The following PLCL1 variants were observed in gnomAD, a reference collection of about 807,000 sequenced individuals.
The protein encoded by PLCL1 is inactive phospholipase C-like protein 1.
Under a neutral mutation model 84.4 loss-of-function variants are expected in PLCL1, and 41 were observed. The observed-to-expected ratio is 0.49, with a 90% CI of 0.38 to 0.63. The LOEUF is 0.63. Ranked by LOEUF, PLCL1 falls within the 30% of genes least tolerant of loss-of-function variation. The probability of loss-of-function intolerance (pLI) is 0.00; values close to 1 mark genes in which losing one functional copy is unlikely to be tolerated. For missense variants in PLCL1, 1,206 were observed against 1,367.8 expected, an observed-to-expected ratio of 0.88 and a Z score of 1.87; for synonymous variants, 490 against 488.3, an observed-to-expected ratio of 1.00 and a Z score of -0.05.
intron 1 of PLCL1, among the ~76,000 whole-genome samples, chr2:197,924,600 A>T (rs1397394133): frequency 6.6e-6 from 1 of 151,966 alleles, no homozygotes; most frequent in Non-Finnish European, 1.5e-5. Flanking sequence ...AGACCAGGGA[A>T]CTGAAGTACA....
At chr2:197,884,532 A>AT (rs1352704416) in intron 1 of PLCL1, among the ~76,000 whole-genome samples, 1 of 152,182 alleles carries the variant, frequency 6.6e-6, no homozygotes, top group Non-Finnish European at 1.5e-5. Context: ...GTGGAAAGTG[A>AT]TTTTGGCTGT....
intron 1 of PLCL1, among the ~76,000 whole-genome samples, chr2:197,849,159 G>A (rs1405937539): frequency 6.6e-6 from 1 of 152,168 alleles, no homozygotes; most frequent in Non-Finnish European, 1.5e-5. Context: ...GTGGATGGTA[G>A]CAGGCAAGAG....
In PLCL1 at chr2:198,086,044, G is replaced by A; in HGVS notation, c.2527G>A (p.Val843Ile). ...GDIMEHVTLF[V>I]HIAITNRSGG... ...CATCATGGAGCACGTAACCCTTTTT[G>A]TCCACATAGCAATAACTAATCGAAG... The change falls in exon 2 of 6, where the codon GTC becomes ATC. Residue 843 changes from valine (V) to isoleucine (I), a missense_variant. By Grantham distance (29) the Val-to-Ile change is conservative. Transcript: ENST00000428675. The A allele has an allele frequency of 6.2e-7, 1 of 1,614,056 alleles. No homozygotes were observed. The highest frequency in any genetic ancestry group is 8.5e-7 in the Non-Finnish European group (1 of 1,179,978).
chr2:198,147,174 C>T lies in PLCL1; in HGVS notation c.*212C>T. ...GTGTTTTAAATTCTGAGACATGTGT[C>T]AACACCCCTGTGTGGATGCCTGTGG... On this transcript the variant is annotated 3_prime_UTR_variant, in exon 6 of 6. Transcript: ENST00000428675. 2.3e-6 allele frequency: 1 copy of T among 426,204 alleles called. No individual in the cohort carries two copies. The highest frequency in any genetic ancestry group is 3.7e-5 in the South Asian group (1 of 27,332). The allele number at this position is 426,204 out of a possible 1,614,324, so 26.4% of individuals were successfully genotyped here.
intron 1 of PLCL1, among the ~76,000 whole-genome samples, chr2:197,974,556 G>T (rs1374987338): frequency 6.6e-6 from 1 of 152,172 alleles, no homozygotes; most frequent in Non-Finnish European, 1.5e-5. Context: ...CTGATGATAG[G>T]CTCATTCACT....
At chr2:197,924,131 ACC>A (rs1688785951) in intron 1 of PLCL1, among the ~76,000 whole-genome samples, 59 of 96,730 alleles carry the variant, frequency 6.1e-4, no homozygotes, top group African/African-American at 1.8e-3. Flanking sequence ...TGAGAGGGAG[ACC>A]GTGGGGAGAG....
chr2:198,076,214 C>A (rs1692574529), intron 1 of PLCL1, among the ~76,000 whole-genome samples: 1 of 151,446 alleles, frequency 6.6e-6, no homozygotes, highest in Non-Finnish European at 1.5e-5. Context: ...GCCTGTAGAA[C>A]ATCAATTATT....
intron 3 of PLCL1, among the ~76,000 whole-genome samples, chr2:198,090,921 A>AT (rs1246748566): frequency 6.6e-6 from 1 of 152,112 alleles, no homozygotes; most frequent in East Asian, 1.9e-4. Flanking sequence ...ACAGTGTCTT[A>AT]TTTTTTGTTT....
Position 197,947,559 on chromosome 2 carries a change from G to C in PLCL1, c.241-136199G>C, listed in dbSNP as rs1391600907. Among the ~76,000 whole-genome samples, 9 of 152,288 alleles carry C rather than the reference G, an allele frequency of 5.9e-5. No individual in the cohort carries two copies. The East Asian group carries it at 1.7e-3, about 29-fold the overall frequency. ...GCAACCATTCATGTGAAGATGAGCA[G>C]TGGTGGGGAATGTAGGCTGGGAATG... On this transcript the variant is annotated intron_variant, in intron 1 of 5. Coordinates refer to ENST00000428675, the MANE Select transcript of PLCL1 (RefSeq NM_006226.4).
At chr2:197,833,365 A>G (rs770984743) in intron 1 of PLCL1, among the ~76,000 whole-genome samples, 1 of 152,214 alleles carries the variant, frequency 6.6e-6, no homozygotes, top group Admixed American at 6.5e-5. Flanking sequence ...AGATATTCAA[A>G]TAGAAAGACA....
At chr2:197,924,012 C>T (rs989623228) in intron 1 of PLCL1, among the ~76,000 whole-genome samples, 40 of 150,990 alleles carry the variant, frequency 2.6e-4, no homozygotes, top group Admixed American at 2.4e-3. Flanking sequence ...TCAGGCGTGG[C>T]GGCGCGTGCC....
chr2:198,122,464 T>C (rs983302837), intron 5 of PLCL1, among the ~76,000 whole-genome samples: 4 of 152,086 alleles, frequency 2.6e-5, no homozygotes, highest in African/African-American at 9.7e-5. Flanking sequence ...TACCAAGAAC[T>C]CATCATATAT....
chr2:198,113,011 T>C (rs1693657721), intron 5 of PLCL1, among the ~76,000 whole-genome samples: 2 of 151,922 alleles, frequency 1.3e-5, no homozygotes, highest in Non-Finnish European at 2.9e-5. Context: ...AAAGAAAATA[T>C]TATTAAGCCT....
intron 5 of PLCL1, among the ~76,000 whole-genome samples, chr2:198,143,535 G>T (rs1407334043): frequency 6.6e-6 from 1 of 152,176 alleles, no homozygotes; most frequent in Non-Finnish European, 1.5e-5. Flanking sequence ...AGAGAAGTTT[G>T]GGGGTGTTTG....
intron 1 of PLCL1, among the ~76,000 whole-genome samples, chr2:197,866,905 C>T (rs898055328): frequency 2.0e-5 from 3 of 152,130 alleles, no homozygotes; most frequent in East Asian, 3.8e-4. Flanking sequence ...AACCCCATGG[C>T]GATCATCGTT....
chr2:197,849,776 T>A lies in PLCL1; in HGVS notation c.240+44437T>A, dbSNP rs566972340. ...GGTTTTAAAGAGCAATAAAAGGAAC[T>A]GAGCACATCTCCTTTAGGATCTGTA... is the stretch of plus-strand genomic sequence containing the variant. On this transcript the variant is annotated intron_variant, in intron 1 of 5. Coordinates refer to ENST00000428675, the MANE Select transcript of PLCL1 (RefSeq NM_006226.4). Among the ~76,000 whole-genome samples the A allele has an allele frequency of 1.8e-4, 27 of 152,234 alleles. No homozygotes were observed. The South Asian group carries it at 5.2e-3, about 29-fold the overall frequency.
rs552548164 is a variant in PLCL1, at chr2:198,124,195, G to A, written c.3105+20259G>A. ...CTTGGCCACATGACTTGTTCTTTAT[G>A]TGGGCAGATAGGACAGTCTCCTTAA... On this transcript the variant is annotated intron_variant, in intron 5 of 5. Coordinates refer to ENST00000428675, the MANE Select transcript of PLCL1 (RefSeq NM_006226.4). Among the ~76,000 whole-genome samples, 9 of 152,208 alleles carry A rather than the reference G, an allele frequency of 5.9e-5. No individual in the cohort carries two copies. In the South Asian group the frequency reaches 1.9e-3, roughly 32 times the overall value.
chr2:198,142,505 A>C (rs997592341), intron 5 of PLCL1, among the ~76,000 whole-genome samples: 15 of 152,188 alleles, frequency 9.9e-5, no homozygotes, highest in Non-Finnish European at 2.1e-4. Flanking sequence ...TGCAGTTGGA[A>C]AGATTTAATA....
chr2:198,143,773 A>G (rs1014782252), intron 5 of PLCL1, among the ~76,000 whole-genome samples: 1 of 152,206 alleles, frequency 6.6e-6, no homozygotes, highest in African/African-American at 2.4e-5. Flanking sequence ...CAGAACAGAA[A>G]GATGACTGCT....
Sources: gnomAD v4.1 joint callset for allele counts (sites outside exome capture counted in the v4.1 genomes callset) on GRCh38, gnomAD v4.1.1 for gene constraint, MANE v1.5 for transcripts, NCBI Gene and HGNC (gene_info 2026-07-23, HGNC 2026-07-21) for gene names.